GALNT17: variants seen among roughly 807,000 people sequenced by gnomAD.
GALNT17 encodes the protein polypeptide N-acetylgalactosaminyltransferase 17.
Under a neutral mutation model 63.7 loss-of-function variants are expected in GALNT17, and 29 were observed. The ratio of observed to expected loss-of-function variants is 0.46; its 90% confidence interval spans 0.34 to 0.62. GALNT17 has a LOEUF of 0.62. GALNT17 is among the 20% of genes least tolerant of loss of function. The pLI, the probability that GALNT17 is intolerant of heterozygous loss-of-function variation, is 0.01. For synonymous variants in GALNT17, 305 were observed against 318.3 expected, an observed-to-expected ratio of 0.96 and a Z score of 0.45; for missense variants, 603 against 799.6, an observed-to-expected ratio of 0.75 and a Z score of 2.97.
intron 6 of GALNT17, among the ~76,000 whole-genome samples, chr7:71,630,616 G>T (rs1790441454): frequency 6.6e-6 from 1 of 152,168 alleles, no homozygotes; most frequent in Non-Finnish European, 1.5e-5. Flanking sequence ...GTAAAAATCA[G>T]CCAGCAAATG....
In GALNT17 at chr7:71,137,430, C is replaced by T. The variant is rs533810179; in HGVS notation, c.238+4390C>T. Among the ~76,000 whole-genome samples, 10 of 152,234 alleles carry T rather than the reference C, an allele frequency of 6.6e-5. No individual in the cohort carries two copies. The East Asian group carries it at 1.6e-3, about 24-fold the overall frequency. ...CTGGGATTACAGGCGTGAGCCACCGCGCCCGGCCATTTTGGACTTTTAATA... is the reference window on the plus strand; with the variant it reads ...CTGGGATTACAGGCGTGAGCCACCGTGCCCGGCCATTTTGGACTTTTAATA... On this transcript the variant is annotated intron_variant, in intron 1 of 10. Coordinates refer to ENST00000333538, the MANE Select transcript of GALNT17 (RefSeq NM_022479.3).
rs189800504 is a variant in GALNT17 at position 71,139,909 on chromosome 7, G to T, written c.238+6869G>T. 3.0e-3 allele frequency among the ~76,000 whole-genome samples: 464 copies of T among 152,288 alleles called. 1 individual carries two copies. The highest frequency in any genetic ancestry group is 5.2e-3 in the Non-Finnish European group (353 of 68,016). On this transcript the variant is annotated intron_variant, in intron 1 of 10. Transcript: ENST00000333538. ...TCAAGAGGTTGAGGCAAGATAATTT[G>T]CTTGAACCTGGAAGGCAGAGGCTGC... is the stretch of plus-strand genomic sequence containing the variant.
Position 71,233,619 on chromosome 7 carries a change from C to A in GALNT17, c.238+100579C>A, listed in dbSNP as rs531657842. ...AGCCTATATTCAGGACAAGGGGAGC[C>A]GGATGAATCCAGCCTGTGATGGCAA... On this transcript the variant is annotated intron_variant, in intron 1 of 10. Transcript: ENST00000333538. 7.9e-5 allele frequency among the ~76,000 whole-genome samples: 12 copies of A among 152,226 alleles called. No homozygotes were observed. In the South Asian group the frequency reaches 2.5e-3, roughly 32 times the overall value.
At chr7:71,654,284 G>T (rs1426223788) in intron 6 of GALNT17, among the ~76,000 whole-genome samples, 1 of 152,138 alleles carries the variant, frequency 6.6e-6, no homozygotes, top group Non-Finnish European at 1.5e-5. Flanking sequence ...ATCGGCAACC[G>T]AAAGTGCTGG....
intron 6 of GALNT17, among the ~76,000 whole-genome samples, chr7:71,603,340 A>G (rs748266529): frequency 1.1e-4 from 17 of 151,224 alleles, no homozygotes; most frequent in Admixed American, 5.9e-4. Flanking sequence ...ACCAGGTACT[A>G]TGTTAAGTGC....
At chr7:71,465,351 A>T (rs1234237339) in intron 5 of GALNT17, among the ~76,000 whole-genome samples, 3 of 152,216 alleles carry the variant, frequency 2.0e-5, no homozygotes, top group Non-Finnish European at 4.4e-5. Flanking sequence ...TAGTTAACCT[A>T]AAAGATATCA....
chr7:71,546,013 A>T (rs551379188), intron 5 of GALNT17, among the ~76,000 whole-genome samples: 2 of 152,098 alleles, frequency 1.3e-5, no homozygotes, highest in Non-Finnish European at 2.9e-5. Flanking sequence ...TAATCCCAGT[A>T]CTTTGGGAGG....
chr7:71,195,444 T>G (rs1213657735), intron 1 of GALNT17, among the ~76,000 whole-genome samples: 1 of 150,148 alleles, frequency 6.7e-6, no homozygotes, highest in Non-Finnish European at 1.5e-5. Flanking sequence ...TGCAGTGGCA[T>G]GATCATAACT....
chr7:71,404,117 G>A (rs1395542199), intron 3 of GALNT17, among the ~76,000 whole-genome samples: 1 of 152,074 alleles, frequency 6.6e-6, no homozygotes, highest in Admixed American at 6.6e-5. Flanking sequence ...TAGCTTATGC[G>A]TACTATGATG....
chr7:71,377,938 A>G (rs774218872), intron 2 of GALNT17, among the ~76,000 whole-genome samples: 1 of 152,246 alleles, frequency 6.6e-6, no homozygotes, highest in Middle Eastern at 3.4e-3. Flanking sequence ...CTGTGAGTCC[A>G]TTAAACCTCT....
At chr7:71,352,299 A>C (rs1792203318) in intron 2 of GALNT17, among the ~76,000 whole-genome samples, 1 of 152,186 alleles carries the variant, frequency 6.6e-6, no homozygotes, top group African/African-American at 2.4e-5. Context: ...CTGTGAGTCC[A>C]TGAAACCTCT....
intron 1 of GALNT17, among the ~76,000 whole-genome samples, chr7:71,242,855 A>G (rs1790024442): frequency 6.6e-6 from 1 of 152,202 alleles, no homozygotes; most frequent in African/African-American, 2.4e-5. Context: ...CAGGGTGCCC[A>G]TTACTGGGCC....
intron 1 of GALNT17, among the ~76,000 whole-genome samples, chr7:71,270,391 G>A (rs1790563598): frequency 6.6e-6 from 1 of 151,948 alleles, no homozygotes; most frequent in Non-Finnish European, 1.5e-5. Flanking sequence ...TGGGCGTGGT[G>A]GTGGGCGCTT....
At chr7:71,519,637 C>A (rs1584021093) in intron 5 of GALNT17, among the ~76,000 whole-genome samples, 1 of 152,026 alleles carries the variant, frequency 6.6e-6, no homozygotes, top group Non-Finnish European at 1.5e-5. Context: ...GTAATTTTTG[C>A]ATTTTTAGTA....
intron 2 of GALNT17, among the ~76,000 whole-genome samples, chr7:71,357,232 G>A (rs570466030): frequency 1.1e-3 from 175 of 152,332 alleles, no homozygotes; most frequent in African/African-American, 4.1e-3. Flanking sequence ...CGCACTGCAG[G>A]AAGTGAGTGG....
intron 1 of GALNT17, among the ~76,000 whole-genome samples, chr7:71,292,617 G>T (rs1325107968): frequency 6.6e-6 from 1 of 150,770 alleles, no homozygotes; most frequent in Admixed American, 6.7e-5. Context: ...TCTCCACATA[G>T]GTACCATTTG....
At chr7:71,260,055 A>G (rs1261960363) in intron 1 of GALNT17, among the ~76,000 whole-genome samples, 3 of 152,154 alleles carry the variant, frequency 2.0e-5, no homozygotes, top group Non-Finnish European at 4.4e-5. Context: ...GGAATTTTAT[A>G]TACAAAAAGG....
At chr7:71,468,471 C>T (rs1028908414) in intron 5 of GALNT17, among the ~76,000 whole-genome samples, 13 of 151,932 alleles carry the variant, frequency 8.6e-5, no homozygotes, top group Non-Finnish European at 1.3e-4. Context: ...GGCTGGAGTG[C>T]AGTGGTGCCA....
chr7:71,604,022 G>A (rs540649858), intron 6 of GALNT17, among the ~76,000 whole-genome samples: 1 of 151,436 alleles, frequency 6.6e-6, no homozygotes, highest in African/African-American at 2.4e-5. Context: ...TATGCTAAGT[G>A]CACATACCAG....
Sources: gnomAD v4.1 joint callset for allele counts (sites outside exome capture counted in the v4.1 genomes callset) on GRCh38, gnomAD v4.1.1 for gene constraint, MANE v1.5 for transcripts, NCBI Gene and HGNC (gene_info 2026-07-23, HGNC 2026-07-21) for gene names.